Variants in SPEN observed in about 807,000 individuals in gnomAD.
SPEN encodes the protein spen family transcriptional repressor.
In SPEN, 18 loss-of-function variants were observed where a neutral mutation model predicts 269.9. The ratio of observed to expected loss-of-function variants is 0.07; its 90% confidence interval spans 0.05 to 0.10. The LOEUF is 0.10. SPEN is among the 10% of genes least tolerant of loss of function. SPEN has a pLI of 1.00. For synonymous variants in SPEN, 1,726 were observed against 1,765.7 expected, an observed-to-expected ratio of 0.98 and a Z score of 0.56; for missense variants, 3,822 against 4,631.2, an observed-to-expected ratio of 0.83 and a Z score of 5.07.
rs757779718 is a variant in SPEN at position 15,909,363 on chromosome 1, A to G, written c.924A>G (p.Arg308=). 9 of 1,613,946 alleles carry G rather than the reference A, an allele frequency of 5.6e-6. No homozygotes were observed. Among genetic ancestry groups the G allele is most frequent in the Non-Finnish European group, 7.6e-6 (9 of 1,179,964 alleles). The change falls in exon 4 of 15, where the codon CGA becomes CGG. Residue 308 remains arginine, a synonymous_variant. Coordinates refer to ENST00000375759, the MANE Select transcript of SPEN (RefSeq NM_015001.3). ...GTTCAAGTGATGATTCTCCAGCTCG[A>G]TCAGTTCAGTCTGCAGCAGTCCCTG... ...SSSSSDDSPA[R]SVQSAAVPAP...
At chr1:15,878,440 T>C (rs2070653965) in intron 3 of SPEN, among the ~76,000 whole-genome samples, 1 of 152,208 alleles carries the variant, frequency 6.6e-6, no homozygotes, top group African/African-American at 2.4e-5. Flanking sequence ...AACAAGCACC[T>C]AGTTTAGAAA....
At chr1:15,889,164 C>CTT (rs56721891) in intron 3 of SPEN, among the ~76,000 whole-genome samples, 12,048 of 124,824 alleles carry the variant, frequency 0.097, 1,755 homozygotes, top group African/African-American at 0.31. Flanking sequence ...CTTTTCTTTT[C>CTT]TTTTTTTTTT....
intron 1 of SPEN, among the ~76,000 whole-genome samples, chr1:15,861,097 A>G (rs1188670130): frequency 6.6e-6 from 1 of 150,766 alleles, no homozygotes; most frequent in Non-Finnish European, 1.5e-5. Context: ...GCTTTTTGGT[A>G]GAGATGGGGT....
Position 15,848,208 on chromosome 1 carries a change from G to A in SPEN, c.83+58G>A. 2 of 1,276,772 alleles carry A rather than the reference G, an allele frequency of 1.6e-6. No homozygotes were observed. The highest frequency in any genetic ancestry group is 2.1e-6 in the Non-Finnish European group (2 of 948,456). 79.1% of individuals were successfully genotyped at this position (1,276,772 alleles called of 1,614,324 possible). On this transcript the variant is annotated intron_variant, in intron 1 of 14. Transcript: ENST00000375759. The surrounding 1 kb of genome is among the most constrained non-coding windows in gnomAD (Gnocchi z 5.1). ...TCCTCGGGCGCCGCTTCCCGCCCCG[G>A]CCCGTTGCCGGCCCCTCCCGGAGCG...
At chr1:15,881,728 G>C (rs1210604339) in intron 3 of SPEN, among the ~76,000 whole-genome samples, 1 of 152,180 alleles carries the variant, frequency 6.6e-6, no homozygotes, top group Non-Finnish European at 1.5e-5. Flanking sequence ...CCTTTTATCA[G>C]ATGTTCTCTT....
At position 15,939,579 on chromosome 1, in the gene SPEN, C is replaced by G; in HGVS notation, c.*152C>G. 1 of 920,342 alleles carries G rather than the reference C, an allele frequency of 1.1e-6. No individual in the cohort carries two copies. The highest frequency in any genetic ancestry group is 1.6e-6 in the Non-Finnish European group (1 of 641,128). The allele number at this position is 920,342 out of a possible 1,614,324, so 57.0% of individuals were successfully genotyped here. ...TTGCTGTCCTGCCGCCCGGCTCAGT[C>G]GGCCAGACTTCCTCTAGGAGTGGTG... On this transcript the variant is annotated 3_prime_UTR_variant, in exon 15 of 15. Coordinates refer to ENST00000375759, the MANE Select transcript of SPEN (RefSeq NM_015001.3). This position sits in a 1 kb window ranked among gnomAD's most constrained non-coding sequence, Gnocchi z 4.1.
In SPEN at chr1:15,934,532, G is replaced by A. The variant is rs375750400; in HGVS notation, c.8292G>A (p.Gly2764=). 3.9e-5 allele frequency: 63 copies of A among 1,614,144 alleles called. No homozygotes were observed. The highest frequency in any genetic ancestry group is 6.7e-5 in the Admixed American group (4 of 60,034). The change falls in exon 11 of 15, where the codon GGG becomes GGA. Residue 2764 remains glycine, a synonymous_variant. Coordinates refer to ENST00000375759, the MANE Select transcript of SPEN (RefSeq NM_015001.3). The surrounding 1 kb of genome is among the most constrained non-coding windows in gnomAD (Gnocchi z 9.2). ...CAACAGGCACGGTGACAATGGCAGG[G>A]GCAGTGATTGCGCCGTCAACAAAGT... is the stretch of plus-strand genomic sequence containing the variant. ...TATTGTVTMA[G]AVIAPSTKCK... is the part of the protein sequence containing the mutation.
At chr1:15,859,444 G>A (rs1286248613) in intron 1 of SPEN, among the ~76,000 whole-genome samples, 2 of 142,058 alleles carry the variant, frequency 1.4e-5, no homozygotes, top group Non-Finnish European at 3.0e-5. Context: ...TGCAAGCTCC[G>A]CCTCCTGGGT....
chr1:15,876,761 T>C (rs778956193), intron 3 of SPEN, 83 bp downstream of exon 3: 1 of 1,034,230 alleles, frequency 9.7e-7, no homozygotes, highest in Non-Finnish European at 1.4e-6. Flanking sequence ...TTCAGCATAG[T>C]ATTATTTTTT....
At position 15,929,452 on chromosome 1, in the gene SPEN, G is replaced by A. The variant is rs761058136; in HGVS notation, c.3212G>A (p.Ser1071Asn). 4.3e-6 allele frequency: 7 copies of A among 1,613,414 alleles called. No homozygotes were observed. The highest frequency in any genetic ancestry group is 4.5e-5 in the East Asian group (2 of 44,880). Residue 1071 changes from serine to asparagine, a missense_variant, in exon 11 of 15, where the codon AGT (serine) becomes AAT (asparagine). By Grantham distance (46) the Ser-to-Asn change is conservative. Transcript: ENST00000375759. This position sits in a 1 kb window ranked among gnomAD's most constrained non-coding sequence, Gnocchi z 5.8. ...ASPKDCQELASISVGSGSRPS... is the reference protein window; with the variant it reads ...ASPKDCQELANISVGSGSRPS... ...CCCAAAGACTGTCAGGAGCTTGCCA[G>A]TATTTCTGTTGGGTCTGGCTCAAGG...
At position 15,904,452 on chromosome 1, in the gene SPEN, C is replaced by CAAAAAAAAAAAAAAAAAAAAAAAAA. The variant is rs1215369183; in HGVS notation, c.882-4868_882-4844dup. Among the ~76,000 whole-genome samples, 23 of 48,632 alleles carry CAAAAAAAAAAAAAAAAAAAAAAAAA rather than the reference C, an allele frequency of 4.7e-4. 1 individual carries two copies. The highest frequency in any genetic ancestry group is 1.2e-3 in the South Asian group (1 of 808). 31.9% of individuals were successfully genotyped at this position (48,632 alleles called of 152,430 possible). The stretch of plus-strand genomic sequence containing the variant: ...GGGCAATAAGAGCGAAACTCCATCT[C>CAAAAAAAAAAAAAAAAAAAAAAAAA]AAAAAAAAAAAAAAAAAAAAAAAAA... On this transcript the variant is annotated intron_variant, in intron 3 of 14. Transcript: ENST00000375759.
At chr1:15,866,167 C>G (rs146274069) in intron 1 of SPEN, among the ~76,000 whole-genome samples, 4 of 152,198 alleles carry the variant, frequency 2.6e-5, no homozygotes, top group Non-Finnish European at 2.9e-5. Flanking sequence ...CCTCCCATCC[C>G]TCCTAGTAGA....
At chr1:15,924,869 G>A (rs535787660) in intron 10 of SPEN, among the ~76,000 whole-genome samples, 29 of 152,260 alleles carry the variant, frequency 1.9e-4, no homozygotes, top group African/African-American at 6.3e-4. Context: ...TCATGAGGAC[G>A]CAGGAGGGTG....
rs374371937 is a variant in SPEN, at chr1:15,861,896, G to A, written c.84-10920G>A. On this transcript the variant is annotated intron_variant, in intron 1 of 14. Transcript: ENST00000375759. ...CTCTACTAAAAATATGAAAAAATTA[G>A]CTGGGCGTGGTAGCACATGCCTGTA... is the stretch of plus-strand genomic sequence containing the variant. Among the ~76,000 whole-genome samples the A allele has an allele frequency of 2.4e-4, 37 of 152,236 alleles. 2 individuals carry two copies. In the East Asian group the frequency reaches 7.0e-3, roughly 29 times the overall value.
chr1:15,875,459 G>A (rs2070621453), intron 2 of SPEN, among the ~76,000 whole-genome samples: 2 of 152,156 alleles, frequency 1.3e-5, no homozygotes, highest in East Asian at 1.9e-4. Context: ...AAGTCATTTG[G>A]AATTTGATAG....
Position 15,935,843 on chromosome 1 carries a change from A to G in SPEN, c.9603A>G (p.Pro3201=). ...VPRDVRIMVH[P]HVTAVSEQPR... ...GGGATGTGAGGATCATGGTGCATCC[A>G]CATGTGACGGCAGTCAGCGAGCAGC... The change falls in exon 11 of 15, where the codon CCA becomes CCG. Residue 3201 remains proline (P), a synonymous_variant. Transcript: ENST00000375759. This position sits in a 1 kb window ranked among gnomAD's most constrained non-coding sequence, Gnocchi z 7.7. 1.2e-6 allele frequency: 2 copies of G among 1,613,758 alleles called. No homozygotes were observed. The highest frequency in any genetic ancestry group is 1.7e-6 in the Non-Finnish European group (2 of 1,179,980).
At chr1:15,852,941 T>C (rs2070350229) in intron 1 of SPEN, among the ~76,000 whole-genome samples, 1 of 152,186 alleles carries the variant, frequency 6.6e-6, no homozygotes, top group Non-Finnish European at 1.5e-5. Flanking sequence ...AATGCAGCCT[T>C]GACCTCCCAA....
intron 8 of SPEN, 56 bp downstream of exon 8, chr1:15,919,573 T>C: frequency 9.3e-7 from 1 of 1,076,944 alleles, no homozygotes; most frequent in Non-Finnish European, 1.3e-6. Context: ...GTCTTGGTAT[T>C]CTCTCCTTTC....
At chr1:15,908,709 C>G (rs1249232898) in intron 3 of SPEN, among the ~76,000 whole-genome samples, 1 of 152,066 alleles carries the variant, frequency 6.6e-6, no homozygotes, top group Non-Finnish European at 1.5e-5. Flanking sequence ...CCACTGAGCC[C>G]CATCTGTTTT....
Sources: gnomAD v4.1 joint callset for allele counts (sites outside exome capture counted in the v4.1 genomes callset) on GRCh38, gnomAD v4.1.1 for gene constraint, Gnocchi (gnomAD v3.1) non-coding constraint, MANE v1.5 for transcripts, NCBI Gene and HGNC (gene_info 2026-07-23, HGNC 2026-07-21) for gene names.